BMP6: variants seen among roughly 807,000 people sequenced by gnomAD.
The protein encoded by BMP6 is bone morphogenetic protein 6.
Under a neutral mutation model 54.1 loss-of-function variants are expected in BMP6, and 17 were observed. The ratio of observed to expected loss-of-function variants is 0.31; its 90% CI spans 0.22 to 0.47. The LOEUF is 0.47. Among genes scored for constraint, BMP6 ranks in the 20% least tolerant of loss-of-function variants. BMP6 has a pLI of 1.00. For missense variants in BMP6, 720 were observed against 690.4 expected (o/e 1.04, Z -0.48); for synonymous variants, 328 against 291.2 (o/e 1.13, Z -1.28).
chr6:7,812,389 C>A (rs1421699102), intron 1 of BMP6, among the ~76,000 whole-genome samples: 1 of 152,126 alleles, frequency 6.6e-6, no homozygotes, highest in African/African-American at 2.4e-5. Context: ...TAAACTATTA[C>A]AAACTAGAAG....
At chr6:7,816,540 G>T (rs1003439240) in intron 1 of BMP6, among the ~76,000 whole-genome samples, 1 of 152,212 alleles carries the variant, frequency 6.6e-6, no homozygotes, top group Non-Finnish European at 1.5e-5. Context: ...GGCATCACCA[G>T]TAGGGGAGAT....
chr6:7,877,231 A>G (rs1759635284), intron 4 of BMP6, among the ~76,000 whole-genome samples: 1 of 152,104 alleles, frequency 6.6e-6, no homozygotes, highest in African/African-American at 2.4e-5. Context: ...TGGAGAGGAT[A>G]AATAAATTTA....
chr6:7,755,045 C>G (rs547363569), intron 1 of BMP6, among the ~76,000 whole-genome samples: 11 of 152,300 alleles, frequency 7.2e-5, no homozygotes, highest in Non-Finnish European at 1.5e-4. Context: ...TAACTTTTAA[C>G]TTATCTGTGT....
intron 1 of BMP6, among the ~76,000 whole-genome samples, chr6:7,825,478 T>C (rs1224271213): frequency 6.6e-6 from 1 of 152,140 alleles, no homozygotes; most frequent in Admixed American, 6.5e-5. Context: ...CCCAGCACTT[T>C]GGGAGGCTGA....
chr6:7,788,369 A>G (rs9379137), intron 1 of BMP6, among the ~76,000 whole-genome samples: 54,882 of 152,044 alleles, frequency 0.36, 10,188 homozygotes, highest in East Asian at 0.55. Context: ...AACTATGTGT[A>G]TACCATCACT....
intron 2 of BMP6, among the ~76,000 whole-genome samples, chr6:7,851,313 A>G (rs1759138325): frequency 6.6e-6 from 1 of 152,152 alleles, no homozygotes; most frequent in African/African-American, 2.4e-5. Context: ...TATGTCTTGA[A>G]CATTTTTATT....
intron 1 of BMP6, among the ~76,000 whole-genome samples, chr6:7,765,561 A>G (rs1757673992): frequency 2.0e-5 from 3 of 152,224 alleles, no homozygotes; most frequent in South Asian, 4.1e-4. Context: ...CAGCAGCATC[A>G]TCTCCCAGGG....
intron 1 of BMP6, among the ~76,000 whole-genome samples, chr6:7,844,246 G>A (rs1240439780): frequency 6.6e-6 from 1 of 151,964 alleles, no homozygotes; most frequent in Non-Finnish European, 1.5e-5. Context: ...AAATACAAAT[G>A]CATTTATGCA....
At chr6:7,768,762 A>T (rs1757732363) in intron 1 of BMP6, among the ~76,000 whole-genome samples, 1 of 152,200 alleles carries the variant, frequency 6.6e-6, no homozygotes. Flanking sequence ...GTGCCGATTT[A>T]ATCAATCCTG....
At chr6:7,808,462 C>T (rs1016000607) in intron 1 of BMP6, among the ~76,000 whole-genome samples, 22 of 152,306 alleles carry the variant, frequency 1.4e-4, no homozygotes, top group African/African-American at 5.3e-4. Context: ...TTCTGCATTG[C>T]ACATAACTTC....
In BMP6 at chr6:7,748,189, T is replaced by C. The variant is rs149741757; in HGVS notation, c.664+20570T>C. ...GTTTGGTTTTCGGTGAGTTTTCCTC[T>C]CTGTGCTCCAGTTTAGCACTGTGAA... On this transcript the variant is annotated intron_variant, in intron 1 of 6. Transcript: ENST00000283147. 5.1e-4 allele frequency among the ~76,000 whole-genome samples: 77 copies of C among 152,290 alleles called. 1 individual carries two copies. The highest frequency in any genetic ancestry group is 4.8e-3 in the Admixed American group (73 of 15,300).
Position 7,727,049 on chromosome 6 carries a change from C to T in BMP6, c.94C>T (p.Pro32Ser). The T allele has an allele frequency of 8.5e-7, 1 of 1,172,494 alleles. No homozygotes were observed. Among genetic ancestry groups the T allele is most frequent in the Non-Finnish European group, 1.0e-6 (1 of 952,490 alleles). The allele number at this position is 1,172,494 out of a possible 1,614,324, so 72.6% of individuals were successfully genotyped here. ...CGPPPLRPPL[P>S]AAAAAAAGGQ... is the part of the protein sequence containing the mutation. Reference sequence around the variant, plus strand: ...GCCCCCGCCGCTGCGGCCGCCCTTGCCCGCTGCCGCGGCCGCCGCCGCCGG... The same window carrying T: ...GCCCCCGCCGCTGCGGCCGCCCTTGTCCGCTGCCGCGGCCGCCGCCGCCGG... Residue 32 changes from proline (P) to serine (S), a missense_variant, in exon 1 of 7, where the codon CCC becomes TCC. Pro to Ser is a moderately conservative substitution (Grantham distance 74). Transcript: ENST00000283147.
intron 1 of BMP6, among the ~76,000 whole-genome samples, chr6:7,737,173 G>A (rs937438799): frequency 5.3e-5 from 8 of 151,484 alleles, no homozygotes; most frequent in Non-Finnish European, 7.4e-5. Context: ...GTGACAAAGC[G>A]AGACTCCATC....
rs375535350 is a variant in BMP6, at chr6:7,760,612, C to T, written c.664+32993C>T. ...CCTCCCAAGTAGCTGGGATTACAGA[C>T]GCCTGCCACCACACCCAGCTAATTT... On this transcript the variant is annotated intron_variant, in intron 1 of 6. Transcript: ENST00000283147. Among the ~76,000 whole-genome samples the T allele has an allele frequency of 9.9e-5, 15 of 152,190 alleles. 1 individual carries two copies. Among genetic ancestry groups the T allele is most frequent in the South Asian group, 6.2e-4 (3 of 4,818 alleles).
At chr6:7,865,512 T>G (rs564546960) in intron 4 of BMP6, among the ~76,000 whole-genome samples, 44 of 152,310 alleles carry the variant, frequency 2.9e-4, no homozygotes, top group African/African-American at 1.0e-3. Context: ...TCTTTCTTCC[T>G]TATCTATTCT....
intron 1 of BMP6, among the ~76,000 whole-genome samples, chr6:7,842,383 T>TC (rs1194941846): frequency 6.6e-6 from 1 of 152,086 alleles, no homozygotes; most frequent in Non-Finnish European, 1.5e-5. Flanking sequence ...GTCTCTCTCT[T>TC]CTCCCACCCA....
chr6:7,771,545 C>G (rs1885448), intron 1 of BMP6, among the ~76,000 whole-genome samples: 10,560 of 152,214 alleles, frequency 0.069, 602 homozygotes, highest in East Asian at 0.33. Context: ...AACGTTTTTC[C>G]TAGATTATCC....
chr6:7,810,750 C>G (rs1325245364), intron 1 of BMP6, among the ~76,000 whole-genome samples: 1 of 152,182 alleles, frequency 6.6e-6, no homozygotes, highest in Non-Finnish European at 1.5e-5. Context: ...CATGAAAATA[C>G]ATTTGTTCTT....
intron 1 of BMP6, among the ~76,000 whole-genome samples, chr6:7,792,653 T>C (rs1211738251): frequency 6.6e-6 from 1 of 152,200 alleles, no homozygotes; most frequent in African/African-American, 2.4e-5. Flanking sequence ...TAGCCTTCTG[T>C]TTTTTCATGG....
Sources: allele counts gnomAD v4.1 joint callset (sites outside exome capture counted in the v4.1 genomes callset), GRCh38; gene constraint gnomAD v4.1.1; transcripts MANE v1.5; gene names NCBI Gene and HGNC (gene_info 2026-07-23, HGNC 2026-07-21).